Variants in PNPLA7 observed in about 807,000 individuals in gnomAD.
The protein encoded by PNPLA7 is patatin-like phospholipase domain-containing protein 7.
In PNPLA7, 153 loss-of-function variants were observed where a neutral mutation model predicts 161.7. That is an observed-to-expected ratio of 0.95 (90% confidence interval 0.83 to 1.08). The LOEUF (loss-of-function observed/expected upper bound fraction) is 1.08, where lower values mean the gene tolerates loss of function less well. PNPLA7 is among the 50% of genes least tolerant of loss of function. The pLI, the probability that PNPLA7 is intolerant of heterozygous loss-of-function variation, is 0.00. For synonymous variants in PNPLA7, 809 were observed against 782.1 expected, an observed-to-expected ratio of 1.03 and a Z score of -0.57; for missense variants, 1,739 against 1,856.6, an observed-to-expected ratio of 0.94 and a Z score of 1.16.
At chr9:137,501,194 G>A (rs1833391091) in intron 15 of PNPLA7, among the ~76,000 whole-genome samples, 1 of 152,218 alleles carries the variant, frequency 6.6e-6, no homozygotes, top group Non-Finnish European at 1.5e-5. Context: ...ATGCGCGTCA[G>A]CCCAGCATTC....
Position 137,543,334 on chromosome 9 carries a change from TCCC to T in PNPLA7, c.506+95_506+97del. The stretch of plus-strand genomic sequence containing the variant: ...CCCCACGATGCGCTTTGCCAACCAT[TCCC>T]CCAACACAAGACGGCCAAGCTGGAG... On this transcript the variant is annotated intron_variant, in intron 6 of 34. Transcript: ENST00000406427. The surrounding 1 kb of genome is among the most constrained non-coding windows in gnomAD (Gnocchi z 6.9). 3.4e-6 allele frequency: 5 copies of T among 1,486,608 alleles called. No individual in the cohort carries two copies. The highest frequency in any genetic ancestry group is 4.6e-6 in the Non-Finnish European group (5 of 1,080,012). 92.1% of individuals were successfully genotyped at this position (1,486,608 alleles called of 1,614,324 possible).
chr9:137,547,504 A>G lies in PNPLA7; in HGVS notation c.105+81T>C, dbSNP rs1391351724. On this transcript the variant is annotated intron_variant, in intron 2 of 34. Coordinates refer to ENST00000406427, the MANE Select transcript of PNPLA7 (RefSeq NM_001098537.3). This position sits in a 1 kb window ranked among gnomAD's most constrained non-coding sequence, Gnocchi z 4.6. ...CCCAACCACAGGCTGGGCAGGAATG[A>G]GCCAGGGGATGGGGACAGGGAGAGG... 6.3e-7 allele frequency: 1 copy of G among 1,594,734 alleles called. No homozygotes were observed. The highest frequency in any genetic ancestry group is 2.2e-5 in the East Asian group (1 of 44,766).
intron 12 of PNPLA7, among the ~76,000 whole-genome samples, chr9:137,511,552 C>A (rs1834239804): frequency 6.6e-6 from 1 of 152,214 alleles, no homozygotes; most frequent in African/African-American, 2.4e-5. Context: ...AGCGCCAGCG[C>A]CTGGAAGGCA....
At chr9:137,482,780 C>T (rs749345467) in intron 21 of PNPLA7, among the ~76,000 whole-genome samples, 2 of 152,268 alleles carry the variant, frequency 1.3e-5, no homozygotes, top group Non-Finnish European at 2.9e-5. Context: ...AGGCGCTGCC[C>T]GTGAAGGAGC....
intron 24 of PNPLA7, chr9:137,478,832 G>A (rs1008767653): frequency 4.8e-5 from 28 of 577,864 alleles, no homozygotes; most frequent in Non-Finnish European, 7.0e-5. Context: ...CCCGATGGCC[G>A]CCCTGTGCCT....
rs7034073 is a variant in PNPLA7, at chr9:137,478,113, G to A, written c.2803C>T (p.Arg935Ter). 1,515 of 1,354,622 alleles carry A rather than the reference G, an allele frequency of 1.1e-3. 19 individuals are homozygous for A. In the African/African-American group the frequency reaches 0.021, roughly 19 times the overall value. 83.9% of individuals were successfully genotyped at this position (1,354,622 alleles called of 1,614,324 possible). Reference protein sequence around the residue: ...YKHVFQRPPDRHSDFSRLARV... With the variant: ...YKHVFQRPPD ...GCCAGGCGGGAGAAGTCTGAGTGTC[G>A]GTCCGGGGGCCGCTGGAAGACATGC... The change falls in exon 25 of 35, where the codon CGA (arginine) becomes TGA (stop). Residue 935 changes from arginine to a stop codon, truncating the protein, a stop_gained. Transcript: ENST00000406427. LOFTEE classifies it high-confidence loss of function.
chr9:137,508,806 G>A (rs572953744), intron 12 of PNPLA7: 1 of 152,130 alleles, frequency 6.6e-6, no homozygotes, highest in Non-Finnish European at 1.5e-5. Context: ...ATAGTAAAAA[G>A]TGAATAGAAA....
At chr9:137,521,891 C>T (rs79072544) in intron 9 of PNPLA7, among the ~76,000 whole-genome samples, 175 bp from the exon 10 acceptor site, 4,517 of 152,232 alleles carry the variant, frequency 0.03, 211 homozygotes, top group African/African-American at 0.1. Context: ...TCAAGTAACA[C>T]GTTCACATCA....
chr9:137,465,383 C>T (rs1456579429), intron 26 of PNPLA7, among the ~76,000 whole-genome samples: 1 of 152,154 alleles, frequency 6.6e-6, no homozygotes, highest in Non-Finnish European at 1.5e-5. Flanking sequence ...AGAGGACCAG[C>T]CCAGAGAGCT....
intron 29 of PNPLA7, 130 bp downstream of exon 29, chr9:137,463,285 T>C (rs1831305025): frequency 3.6e-6 from 3 of 824,362 alleles, no homozygotes; most frequent in African/African-American, 1.7e-5. Flanking sequence ...ACATTTTCCC[T>C]TGGCATACTC....
chr9:137,495,309 C>G (rs1047349983), intron 18 of PNPLA7, among the ~76,000 whole-genome samples, 163 bp from the exon 19 acceptor site: 2 of 152,232 alleles, frequency 1.3e-5, no homozygotes, highest in Non-Finnish European at 2.9e-5. Context: ...GCTGTCAGAA[C>G]CACTGGAACA....
chr9:137,461,176 G>T (rs1831173029), intron 33 of PNPLA7: 1 of 344,130 alleles, frequency 2.9e-6, no homozygotes, highest in South Asian at 3.7e-5. Context: ...GGAGCATGGA[G>T]GGTAGTGGAC....
At position 137,499,768 on chromosome 9, in the gene PNPLA7, C is replaced by T. The variant is rs1257411849; in HGVS notation, c.1757+923G>A. Among the ~76,000 whole-genome samples the T allele has an allele frequency of 3.3e-5, 5 of 152,244 alleles. No individual in the cohort carries two copies. The highest frequency in any genetic ancestry group is 3.3e-4 in the Admixed American group (5 of 15,292). ...CGGCGCGGTGCCATTTGCTGGATTA[C>T]AGGCGTGAGCCGCTGCACCCAGCCG... On this transcript the variant is annotated intron_variant, in intron 16 of 34. Transcript: ENST00000406427. This position sits in a 1 kb window ranked among gnomAD's most constrained non-coding sequence, Gnocchi z 5.5.
Position 137,495,727 on chromosome 9 carries a change from G to A in PNPLA7, c.2014-581C>T, listed in dbSNP as rs1319179318. Among the ~76,000 whole-genome samples the A allele has an allele frequency of 3.3e-5, 5 of 152,214 alleles. No homozygotes were observed. The South Asian group carries it at 1.0e-3, about 32-fold the overall frequency. On this transcript the variant is annotated intron_variant, in intron 18 of 34. Transcript: ENST00000406427. ...CAAAGTGCTGGGATTACAGGCGTGA[G>A]CCGCCGCGCCCGGCCTGGAGAACTC...
In PNPLA7 at chr9:137,479,204, G is replaced by A; in HGVS notation, c.2615C>T (p.Ala872Val). 2 of 1,556,430 alleles carry A rather than the reference G, an allele frequency of 1.3e-6. No homozygotes were observed. The highest frequency in any genetic ancestry group is 1.7e-6 in the Non-Finnish European group (2 of 1,151,212). ...ERMLESTAVRAQKQLILLHRE... is the reference protein window; with the variant it reads ...ERMLESTAVRVQKQLILLHRE... ...GTGCAGCAGGATCAGCTGCTTCTGG[G>A]CACGCACAGCTGTGCTCTCCAGCAT... Residue 872 changes from alanine to valine, a missense_variant, in exon 24 of 35, where the codon GCC becomes GTC. By Grantham distance (64) the Ala-to-Val change is moderately conservative. This residue lies in a region of PNPLA7 where 703 missense variants were observed against 694.6 expected (regional missense o/e 1.01). Transcript: ENST00000406427.
intron 8 of PNPLA7, among the ~76,000 whole-genome samples, chr9:137,536,742 A>G (rs915202718): frequency 6.6e-6 from 1 of 152,218 alleles, no homozygotes; most frequent in African/African-American, 2.4e-5. Context: ...CATGGGGGCA[A>G]TCTACGGAGC....
chr9:137,464,535 G>T (rs1831377524), intron 26 of PNPLA7, 79 bp from the exon 27 acceptor site: 5 of 1,307,864 alleles, frequency 3.8e-6, no homozygotes, highest in South Asian at 1.2e-5. Context: ...CGTGCTGAGG[G>T]CCTCTCATGA....
intron 1 of PNPLA7, among the ~76,000 whole-genome samples, chr9:137,549,932 G>T (rs1320024037): frequency 6.6e-6 from 1 of 152,200 alleles, no homozygotes. Context: ...CCCTCGCTGT[G>T]AACAATGCCC....
rs936329124 is a variant in PNPLA7, at chr9:137,523,341, G to A, written c.748-484C>T. Reference sequence around the variant, plus strand: ...CCGCCACAGTGGGGTCACCGCCTAGGACAGGGAGCGCGCACTGCCGGGTCG... The same window carrying A: ...CCGCCACAGTGGGGTCACCGCCTAGAACAGGGAGCGCGCACTGCCGGGTCG... On this transcript the variant is annotated intron_variant, in intron 8 of 34. Coordinates refer to ENST00000406427, the MANE Select transcript of PNPLA7 (RefSeq NM_001098537.3). The surrounding 1 kb of genome is among the most constrained non-coding windows in gnomAD (Gnocchi z 4.4). Among the ~76,000 whole-genome samples, 12 of 152,100 alleles carry A rather than the reference G, an allele frequency of 7.9e-5. No homozygotes were observed. The highest frequency in any genetic ancestry group is 1.6e-4 in the Non-Finnish European group (11 of 68,016).
Sources: gnomAD v4.1 joint callset for allele counts (sites outside exome capture counted in the v4.1 genomes callset) on GRCh38, gnomAD v4.1.1 for gene constraint, gnomAD v4.1.1 regional missense constraint, Gnocchi (gnomAD v3.1) non-coding constraint, MANE v1.5 for transcripts, NCBI Gene and HGNC (gene_info 2026-07-23, HGNC 2026-07-21) for gene names.